The following TRABD2B variants were observed in gnomAD, a reference collection of about 807,000 sequenced individuals.
TRABD2B encodes TraB domain containing 2B.
In TRABD2B, 14 loss-of-function variants were observed where a neutral mutation model predicts 40.1. That is an observed-to-expected ratio of 0.35 (90% CI 0.23 to 0.55). TRABD2B has a LOEUF of 0.55. Ranked by LOEUF, TRABD2B falls within the 20% of genes least tolerant of loss-of-function variation. The pLI is 0.90. For synonymous variants in TRABD2B, 263 were observed against 277.0 expected (o/e 0.95, Z 0.50); for missense variants, 541 against 648.6 (o/e 0.83, Z 1.80).
intron 2 of TRABD2B, among the ~76,000 whole-genome samples, chr1:47,985,334 AG>A (rs1317716303): frequency 6.6e-6 from 1 of 152,258 alleles, no homozygotes; most frequent in Non-Finnish European, 1.5e-5. Flanking sequence ...CCTCTGAATA[AG>A]GGAGGTGGGA....
chr1:47,882,903 G>C (rs1460303341), intron 2 of TRABD2B, among the ~76,000 whole-genome samples: 4 of 152,146 alleles, frequency 2.6e-5, no homozygotes, highest in African/African-American at 9.7e-5. Flanking sequence ...AAAGGATTGG[G>C]AGAGGAGTCC....
chr1:47,971,565 C>T (rs934183212), intron 2 of TRABD2B, among the ~76,000 whole-genome samples: 1 of 152,198 alleles, frequency 6.6e-6, no homozygotes, highest in Admixed American at 6.5e-5. Context: ...TAACTCCCTA[C>T]ACTCAGATAC....
chr1:47,984,429 G>A (rs1336616039), intron 2 of TRABD2B, among the ~76,000 whole-genome samples: 1 of 152,260 alleles, frequency 6.6e-6, no homozygotes, highest in Non-Finnish European at 1.5e-5. Context: ...CGCGGCTCGG[G>A]CCAAACGCGT....
rs779912032 is a variant in TRABD2B, at chr1:47,934,998, A to G, written c.666+59036T>C. ...CCAACCCTGCTAATGCCCTCTCTTT[A>G]TCCACCTGGAAAATTCCTACTCATG... On this transcript the variant is annotated intron_variant, in intron 2 of 6. Transcript: ENST00000606738. Among the ~76,000 whole-genome samples, 480 of 152,290 alleles carry G rather than the reference A, an allele frequency of 3.2e-3. 2 individuals carry two copies. Among genetic ancestry groups the G allele is most frequent in the Non-Finnish European group, 4.6e-3 (313 of 68,010 alleles).
chr1:47,967,932 G>A (rs1277180553), intron 2 of TRABD2B, among the ~76,000 whole-genome samples: 1 of 152,238 alleles, frequency 6.6e-6, no homozygotes, highest in African/African-American at 2.4e-5. Flanking sequence ...TCATTTCGGT[G>A]GAAGACTTCA....
chr1:47,835,368 G>A (rs773418797), intron 2 of TRABD2B, among the ~76,000 whole-genome samples: 7 of 152,170 alleles, frequency 4.6e-5, no homozygotes, highest in Non-Finnish European at 4.4e-5. Context: ...GGATTTTGAT[G>A]AAATAATGGC....
intron 2 of TRABD2B, among the ~76,000 whole-genome samples, chr1:47,852,763 CTGAGGT>C (rs1476429233): frequency 6.6e-6 from 1 of 152,146 alleles, no homozygotes; most frequent in Non-Finnish European, 1.5e-5. Flanking sequence ...GGTGGTGCTG[CTGAGGT>C]TAAGTTATTC....
chr1:47,844,467 A>AT (rs1254304925), intron 2 of TRABD2B, among the ~76,000 whole-genome samples: 2 of 152,154 alleles, frequency 1.3e-5, no homozygotes, highest in Admixed American at 6.6e-5. Flanking sequence ...CATTGCCCAG[A>AT]TGCCGTTAGC....
At chr1:47,796,737 A>G (rs1217155855) in intron 3 of TRABD2B, among the ~76,000 whole-genome samples, 2 of 152,218 alleles carry the variant, frequency 1.3e-5, no homozygotes, top group East Asian at 3.8e-4. Context: ...TATAGACAGC[A>G]GTGTTGCTAG....
intron 2 of TRABD2B, among the ~76,000 whole-genome samples, chr1:47,968,058 G>A (rs929370716): frequency 6.6e-6 from 1 of 152,208 alleles, no homozygotes; most frequent in African/African-American, 2.4e-5. Flanking sequence ...ATGAGCATGT[G>A]GTGGGCACCA....
chr1:47,865,496 G>A (rs1284014239), intron 2 of TRABD2B, among the ~76,000 whole-genome samples: 4 of 152,070 alleles, frequency 2.6e-5, no homozygotes, highest in Non-Finnish European at 5.9e-5. Context: ...ACAGTTACAT[G>A]GAATTTTGTT....
chr1:47,775,775 A>G (rs1434975736), intron 5 of TRABD2B, among the ~76,000 whole-genome samples: 1 of 152,230 alleles, frequency 6.6e-6, no homozygotes, highest in African/African-American at 2.4e-5. Context: ...AGAGTAAAAC[A>G]GAGGATGCCA....
At chr1:47,964,375 G>T (rs1645567011) in intron 2 of TRABD2B, among the ~76,000 whole-genome samples, 1 of 152,160 alleles carries the variant, frequency 6.6e-6, no homozygotes, top group Non-Finnish European at 1.5e-5. Context: ...CAATAGACTT[G>T]CTGAGGAAGG....
intron 2 of TRABD2B, among the ~76,000 whole-genome samples, chr1:47,834,413 T>C (rs1324136568): frequency 6.6e-6 from 1 of 152,216 alleles, no homozygotes; most frequent in Non-Finnish European, 1.5e-5. Context: ...AGCATAGGGC[T>C]GTGTAAATGC....
intron 4 of TRABD2B, among the ~76,000 whole-genome samples, chr1:47,780,275 T>A (rs1644502954): frequency 6.6e-6 from 1 of 152,204 alleles, no homozygotes. Context: ...CATATTACCC[T>A]CTAATGCCCT....
At chr1:47,839,617 G>A (rs1448786932) in intron 2 of TRABD2B, among the ~76,000 whole-genome samples, 1 of 152,194 alleles carries the variant, frequency 6.6e-6, no homozygotes, top group African/African-American at 2.4e-5. Flanking sequence ...GATGGGAAGG[G>A]CAGAGAGAGA....
chr1:47,933,868 C>T (rs7545671), intron 2 of TRABD2B, among the ~76,000 whole-genome samples: 5,566 of 152,298 alleles, frequency 0.037, 361 homozygotes, highest in African/African-American at 0.13. Flanking sequence ...TGTGTCTGTG[C>T]TTTCCAATAC....
At chr1:47,877,209 G>T (rs568995834) in intron 2 of TRABD2B, among the ~76,000 whole-genome samples, 3 of 152,042 alleles carry the variant, frequency 2.0e-5, no homozygotes, top group South Asian at 4.2e-4. Context: ...AATGGGGCTG[G>T]GGGGTGGGCA....
At chr1:47,895,480 A>G (rs917881672) in intron 2 of TRABD2B, among the ~76,000 whole-genome samples, 133 of 152,230 alleles carry the variant, frequency 8.7e-4, no homozygotes, top group African/African-American at 3.1e-3. Flanking sequence ...CCACAGTTAA[A>G]GAAAGGCTCC....
Sources: gnomAD v4.1 joint callset for allele counts (sites outside exome capture counted in the v4.1 genomes callset) on GRCh38, gnomAD v4.1.1 for gene constraint, MANE v1.5 for transcripts, NCBI Gene and HGNC (gene_info 2026-07-23, HGNC 2026-07-21) for gene names.